Variants in TRIO observed in about 807,000 individuals in gnomAD.
The protein encoded by TRIO is triple functional domain protein.
In TRIO, 58 loss-of-function variants were observed where a neutral mutation model predicts 351.9. That is an observed-to-expected ratio of 0.16 (90% CI 0.13 to 0.21). TRIO has a LOEUF of 0.21. TRIO is among the 10% of genes least tolerant of loss of function. TRIO has a pLI of 1.00. For missense variants in TRIO, 3,201 were observed against 4,027.8 expected (o/e 0.79, Z 5.56); for synonymous variants, 1,758 against 1,595.7 (o/e 1.10, Z -2.42).
At position 14,388,657 on chromosome 5, in the gene TRIO, G is replaced by C. The variant is rs1309123516; in HGVS notation, c.3926G>C (p.Arg1309Thr). 1 of 1,610,932 alleles carries C rather than the reference G, an allele frequency of 6.2e-7. No individual in the cohort carries two copies. The highest frequency in any genetic ancestry group is 1.3e-5 in the African/African-American group (1 of 74,308). ...ELIQTEKAYV[R>T]DLRECMDTYL... ...ATTCAAACTGAAAAGGCTTATGTAAGAGACCTCCGGGAATGTATGGATGTA... is the reference window on the plus strand; with the variant it reads ...ATTCAAACTGAAAAGGCTTATGTAACAGACCTCCGGGAATGTATGGATGTA... The change falls in exon 24 of 57, where the codon AGA becomes ACA. Residue 1309 changes from arginine (R) to threonine (T), a missense_variant. Around this residue, in one of 19 missense-constraint regions of TRIO, gnomAD observed 115 missense variants for 239.6 expected, o/e 0.48. Coordinates refer to ENST00000344204, the MANE Select transcript of TRIO (RefSeq NM_007118.4).
At chr5:14,423,442 A>T (rs961736015) in intron 34 of TRIO, among the ~76,000 whole-genome samples, 4 of 152,182 alleles carry the variant, frequency 2.6e-5, no homozygotes, top group Admixed American at 2.0e-4. Context: ...TGTCACTTTT[A>T]TGTATTTATT....
At chr5:14,390,127 T>C in intron 25 of TRIO, 104 bp from the exon 26 acceptor site, 1 of 994,826 alleles carries the variant, frequency 1.0e-6, no homozygotes, top group Admixed American at 2.4e-5. Flanking sequence ...CTACATGTTT[T>C]GTTCATTCTT....
chr5:14,416,621 A>C (rs1749666075), intron 33 of TRIO, among the ~76,000 whole-genome samples: 2 of 152,178 alleles, frequency 1.3e-5, no homozygotes. Context: ...TTTATTTCTT[A>C]TGTGCTGTCA....
intron 34 of TRIO, among the ~76,000 whole-genome samples, chr5:14,439,522 T>A (rs1751858253): frequency 6.6e-6 from 1 of 152,242 alleles, no homozygotes; most frequent in South Asian, 2.1e-4. Context: ...AGGGACAAAG[T>A]CAACTTTTTA....
At chr5:14,238,558 A>G (rs766550567) in intron 1 of TRIO, among the ~76,000 whole-genome samples, 1 of 152,202 alleles carries the variant, frequency 6.6e-6, no homozygotes, top group Non-Finnish European at 1.5e-5. Context: ...CCGAGGAGAT[A>G]AGGGGTATGA....
At chr5:14,356,263 T>C (rs1743602765) in intron 11 of TRIO, among the ~76,000 whole-genome samples, 1 of 152,222 alleles carries the variant, frequency 6.6e-6, no homozygotes, top group African/African-American at 2.4e-5. Context: ...AGATTTTCTG[T>C]GTTAAAAATG....
At chr5:14,310,895 A>G (rs1738864294) in intron 8 of TRIO, among the ~76,000 whole-genome samples, 1 of 152,202 alleles carries the variant, frequency 6.6e-6, no homozygotes, top group Non-Finnish European at 1.5e-5. Context: ...CATGTTGGCC[A>G]GGCTGGTCTT....
intron 21 of TRIO, among the ~76,000 whole-genome samples, chr5:14,383,341 A>T (rs1481524049): frequency 2.0e-5 from 3 of 152,152 alleles, no homozygotes; most frequent in African/African-American, 7.2e-5. Flanking sequence ...TCTGCAGGCC[A>T]TTGTGTATGG....
chr5:14,203,753 A>G (rs1382574226), intron 1 of TRIO, among the ~76,000 whole-genome samples: 1 of 151,240 alleles, frequency 6.6e-6, no homozygotes, highest in Admixed American at 6.6e-5. Flanking sequence ...CCTGGCAGTC[A>G]CCTGCCCCTT....
intron 18 of TRIO, among the ~76,000 whole-genome samples, chr5:14,369,959 G>A (rs991651612): frequency 6.6e-6 from 1 of 152,204 alleles, no homozygotes; most frequent in African/African-American, 2.4e-5. Context: ...TAGACACAGT[G>A]CGAGCGCCAC....
intron 1 of TRIO, among the ~76,000 whole-genome samples, chr5:14,157,348 A>T (rs958488432): frequency 2.0e-5 from 3 of 151,674 alleles, no homozygotes; most frequent in Non-Finnish European, 4.4e-5. Flanking sequence ...TTAGGATTTC[A>T]TTTGCTGTTC....
At chr5:14,168,511 G>T (rs1384556337) in intron 1 of TRIO, among the ~76,000 whole-genome samples, 1 of 152,232 alleles carries the variant, frequency 6.6e-6, no homozygotes, top group Admixed American at 6.5e-5. Context: ...TTGTACTGTA[G>T]TTGATTTTCA....
At chr5:14,367,001 G>A (rs1259826307) in intron 16 of TRIO, 22 bp downstream of exon 16, 2 of 1,613,338 alleles carry the variant, frequency 1.2e-6, no homozygotes, top group South Asian at 2.2e-5. Flanking sequence ...GGGCCTGCCT[G>A]TGTGTTGGCT....
chr5:14,144,025 A>G, intron 1 of TRIO, 143 bp downstream of exon 1: 1 of 572,924 alleles, frequency 1.7e-6, no homozygotes, highest in Non-Finnish European at 2.2e-6. Flanking sequence ...GCCTGGGACC[A>G]CTGCTTCCAT....
At chr5:14,261,683 G>T (rs951258086) in intron 1 of TRIO, among the ~76,000 whole-genome samples, 1 of 152,192 alleles carries the variant, frequency 6.6e-6, no homozygotes, top group Non-Finnish European at 1.5e-5. Flanking sequence ...TTCCCTGAAG[G>T]CTTGCGTTTC....
chr5:14,182,731 A>G (rs180850916), intron 1 of TRIO, among the ~76,000 whole-genome samples: 9 of 152,322 alleles, frequency 5.9e-5, no homozygotes, highest in Non-Finnish European at 1.5e-5. Context: ...CTAGCCTTTA[A>G]GAATTCCCTT....
At chr5:14,379,114 CAG>C (rs1461444696) in intron 20 of TRIO, among the ~76,000 whole-genome samples, 2 of 152,126 alleles carry the variant, frequency 1.3e-5, no homozygotes, top group African/African-American at 4.8e-5. Flanking sequence ...GAGGGAAGCA[CAG>C]GGGAGAAGGT....
intron 41 of TRIO, among the ~76,000 whole-genome samples, chr5:14,478,664 G>A (rs1755273785): frequency 6.6e-6 from 1 of 151,902 alleles, no homozygotes; most frequent in South Asian, 2.1e-4. Flanking sequence ...ATTAAGAAGG[G>A]TGTTGCGGCC....
intron 53 of TRIO, 148 bp downstream of exon 53, chr5:14,498,788 G>A: frequency 3.2e-6 from 4 of 1,255,826 alleles, no homozygotes; most frequent in Non-Finnish European, 4.4e-6. Flanking sequence ...ACAGTTGTAA[G>A]TAGCAGACCA....
Sources: gnomAD v4.1 joint callset for allele counts (sites outside exome capture counted in the v4.1 genomes callset) on GRCh38, gnomAD v4.1.1 for gene constraint, gnomAD v4.1.1 regional missense constraint, MANE v1.5 for transcripts, NCBI Gene and HGNC (gene_info 2026-07-23, HGNC 2026-07-21) for gene names.